Variants in TRIM17 observed in about 807,000 individuals in gnomAD.
The protein encoded by TRIM17 is E3 ubiquitin-protein ligase TRIM17.
In TRIM17, 27 loss-of-function variants were observed where a neutral mutation model predicts 35.8. The ratio of observed to expected loss-of-function variants is 0.75; its 90% CI spans 0.56 to 1.04. TRIM17 has a LOEUF of 1.04. Ranked by LOEUF, TRIM17 falls within the 50% of genes least tolerant of loss-of-function variation. TRIM17 has a pLI of 0.00. For missense variants in TRIM17, 582 were observed against 612.8 expected, an observed-to-expected ratio of 0.95 and a Z score of 0.53; for synonymous variants, 246 against 252.6, an observed-to-expected ratio of 0.97 and a Z score of 0.25.
intron 5 of TRIM17, 55 bp downstream of exon 5, chr1:228,409,334 T>TC (rs1424491512): frequency 2.7e-4 from 433 of 1,593,648 alleles, no homozygotes; most frequent in African/African-American, 2.4e-3. Context: ...AGTCTTATTG[T>TC]CCCCCCCGCC....
At chr1:228,416,224 C>T (rs1238839440) in intron 1 of TRIM17, among the ~76,000 whole-genome samples, 1 of 152,208 alleles carries the variant, frequency 6.6e-6, no homozygotes, top group African/African-American at 2.4e-5. Flanking sequence ...GCCAACCACC[C>T]GGCGCCAGCC....
intron 4 of TRIM17, among the ~76,000 whole-genome samples, chr1:228,409,987 C>T (rs986287365): frequency 1.3e-5 from 2 of 152,146 alleles, no homozygotes; most frequent in African/African-American, 4.8e-5. Context: ...GCAGGTGGCG[C>T]GCTTGGCCCT....
chr1:228,410,804 C>T lies in TRIM17; in HGVS notation c.756+142G>A, dbSNP rs1456799412. The T allele has an allele frequency of 1.5e-6, 1 of 647,492 alleles. No homozygotes were observed. Among genetic ancestry groups the T allele is most frequent in the Middle Eastern group, 4.3e-4 (1 of 2,350 alleles). 40.1% of individuals were successfully genotyped at this position (647,492 alleles called of 1,614,324 possible). A position where few individuals can be genotyped will look rare whatever the true frequency, so the allele number is the denominator to read the frequency against. ...GAACCAGGCCTGCCCGCACCTTGGCCTCAGCCACCCAGCCTCCAGGACTAG... is the reference window on the plus strand; with the variant it reads ...GAACCAGGCCTGCCCGCACCTTGGCTTCAGCCACCCAGCCTCCAGGACTAG... On this transcript the variant is annotated intron_variant, in intron 4 of 6. Coordinates refer to ENST00000366698, the MANE Select transcript of TRIM17 (RefSeq NM_016102.4). This position sits in a 1 kb window ranked among gnomAD's most constrained non-coding sequence, Gnocchi z 4.6.
intron 1 of TRIM17, 91 bp downstream of exon 1, chr1:228,416,448 C>T (rs1390481841): frequency 6.5e-5 from 64 of 986,570 alleles, no homozygotes; most frequent in Non-Finnish European, 7.3e-5. Flanking sequence ...GAAGGCCGGG[C>T]GTTGGAGGGC....
Position 228,408,790 on chromosome 1 carries a change from G to A in TRIM17, c.884-39C>T, listed in dbSNP as rs772188511. ...TGGTGGTGGAGAGATGGGGAGAGGT[G>A]TGGGGCATTCAGGGTCAAAGGTGGG... On this transcript the variant is annotated intron_variant, in intron 6 of 6. Coordinates refer to ENST00000366698, the MANE Select transcript of TRIM17 (RefSeq NM_016102.4). This position sits in a 1 kb window ranked among gnomAD's most constrained non-coding sequence, Gnocchi z 6.3. The A allele has an allele frequency of 1.9e-6, 3 of 1,575,648 alleles. No individual in the cohort carries two copies. The highest frequency in any genetic ancestry group is 1.7e-5 in the Admixed American group (1 of 58,366).
rs993047707 is a variant in TRIM17 at position 228,411,275 on chromosome 1, A to C, written c.526-99T>G. 1.1e-5 allele frequency: 10 copies of C among 938,524 alleles called. No individual in the cohort carries two copies. Among genetic ancestry groups the C allele is most frequent in the Non-Finnish European group, 1.6e-5 (10 of 620,044 alleles). 58.1% of individuals were successfully genotyped at this position (938,524 alleles called of 1,614,324 possible). ...GGCCCTGGTGACCCACAAGATCACC[A>C]GCAACTGGAGCTTTAGTTGGGGACC... On this transcript the variant is annotated intron_variant, in intron 3 of 6. Coordinates refer to ENST00000366698, the MANE Select transcript of TRIM17 (RefSeq NM_016102.4). The surrounding 1 kb of genome is among the most constrained non-coding windows in gnomAD (Gnocchi z 4.2).
chr1:228,409,291 A>G lies in TRIM17; in HGVS notation c.780-16T>C. The stretch of plus-strand genomic sequence containing the variant: ...GTTGTTCTTCCTCCGGTGGGCACAC[A>G]CAGGGGAGTCTTATTGACTCCCCTG... On this transcript the variant is annotated splice_polypyrimidine_tract_variant and intron_variant, in intron 5 of 6. Transcript: ENST00000366698. The G allele has an allele frequency of 1.2e-6, 2 of 1,612,858 alleles. No individual in the cohort carries two copies. The highest frequency in any genetic ancestry group is 1.1e-5 in the South Asian group (1 of 91,024).
intron 4 of TRIM17, chr1:228,409,631 G>T (rs1336183496): frequency 6.1e-6 from 3 of 491,466 alleles, no homozygotes; most frequent in African/African-American, 5.9e-5. Context: ...GAGCTACCCT[G>T]TCAGCCCACG....
rs60640636 is a variant in TRIM17 at position 228,414,863 on chromosome 1, C to A, written c.210G>T (p.Pro70=). The change falls in exon 2 of 7, where the codon CCG becomes CCT. Residue 70 remains proline (P), a synonymous_variant. Coordinates refer to ENST00000366698, the MANE Select transcript of TRIM17 (RefSeq NM_016102.4). The part of the protein sequence containing the change: ...FPCPECREMS[P]QRNLLPNRLL... ...GCCGGTTGGGCAGCAGGTTCCTCTGCGGGGACATCTCTCTGCACTCGGGGC... is the reference window on the plus strand; with the variant it reads ...GCCGGTTGGGCAGCAGGTTCCTCTGAGGGGACATCTCTCTGCACTCGGGGC... 3.1e-6 allele frequency: 5 copies of A among 1,613,460 alleles called. No individual in the cohort carries two copies. In the African/African-American group the frequency reaches 6.7e-5, roughly 22 times the overall value.
intron 2 of TRIM17, 45 bp from the exon 3 acceptor site, chr1:228,413,937 T>C (rs472594): frequency 0.27 from 403,555 of 1,513,748 alleles, 66,061 homozygotes; most frequent in African/African-American, 0.76. Context: ...GCGATCCCCC[T>C]ACCTCCTGCC....
At position 228,409,381 on chromosome 1, in the gene TRIM17, C is replaced by T. The variant is rs368820273; in HGVS notation, c.779+8G>A. ...CTGCCCCCGCCCCTGCCTGAGGGGA[C>T]CACATACCTGCTCAGGGGTTCCTTC... On this transcript the variant is annotated splice_region_variant and intron_variant, in intron 5 of 6. Coordinates refer to ENST00000366698, the MANE Select transcript of TRIM17 (RefSeq NM_016102.4). The T allele has an allele frequency of 4.3e-4, 670 of 1,575,842 alleles. 1 individual carries two copies. The highest frequency in any genetic ancestry group is 5.3e-4 in the Non-Finnish European group (620 of 1,162,890).
intron 4 of TRIM17, 117 bp from the exon 5 acceptor site, chr1:228,409,528 C>G: frequency 3.8e-6 from 4 of 1,046,780 alleles, no homozygotes; most frequent in Non-Finnish European, 5.4e-6. Flanking sequence ...CCTGGGCATT[C>G]CCTTCCCACA....
chr1:228,413,922 G>C, intron 2 of TRIM17, 30 bp from the exon 3 acceptor site: 1 of 1,588,510 alleles, frequency 6.3e-7, no homozygotes, highest in Non-Finnish European at 8.6e-7. Context: ...CAGGATTTGG[G>C]ATCAGCGATC....
In TRIM17 at chr1:228,416,780, G is replaced by C; in HGVS notation, c.-283C>G. On this transcript the variant is annotated 5_prime_UTR_variant, in exon 1 of 7. Transcript: ENST00000366698. ...ACTGGGGCGGCGCCTCTTAGGAGAGGTTGGGGGTGGCTTGGGGAAGGAAGG... is the reference window on the plus strand; with the variant it reads ...ACTGGGGCGGCGCCTCTTAGGAGAGCTTGGGGGTGGCTTGGGGAAGGAAGG... 4.1e-6 allele frequency: 4 copies of C among 984,136 alleles called. No homozygotes were observed. The highest frequency in any genetic ancestry group is 4.8e-6 in the Non-Finnish European group (4 of 829,408). 61.0% of individuals were successfully genotyped at this position (984,136 alleles called of 1,614,324 possible).
chr1:228,412,443 T>C lies in TRIM17; in HGVS notation c.526-1267A>G, dbSNP rs149420751. ...GGTTTAAGAGCTGTTCTCCCTCCTCTTCACTCAGTGGCCTTGCAAATAAAT... is the reference window on the plus strand; with the variant it reads ...GGTTTAAGAGCTGTTCTCCCTCCTCCTCACTCAGTGGCCTTGCAAATAAAT... On this transcript the variant is annotated intron_variant, in intron 3 of 6. Transcript: ENST00000366698. Among the ~76,000 whole-genome samples the C allele has an allele frequency of 4.7e-3, 716 of 152,150 alleles. 5 individuals are homozygous for C. Among genetic ancestry groups the C allele is most frequent in the African/African-American group, 0.016 (682 of 41,486 alleles).
chr1:228,413,762 A>T, intron 3 of TRIM17, 35 bp downstream of exon 3: 2 of 1,535,300 alleles, frequency 1.3e-6, no homozygotes, highest in Non-Finnish European at 1.8e-6. Context: ...ATGGAGCAGC[A>T]GCAGGAAAGG....
chr1:228,408,289 G>A lies in TRIM17; in HGVS notation c.1346C>T (p.Pro449Leu). The A allele has an allele frequency of 1.9e-6, 3 of 1,604,700 alleles. No individual in the cohort carries two copies. The highest frequency in any genetic ancestry group is 2.6e-6 in the Non-Finnish European group (3 of 1,173,944). The change falls in exon 7 of 7, where the codon CCA (proline) becomes CTA (leucine). Residue 449 changes from proline (P) to leucine (L), a missense_variant. Physicochemically the swap from Pro to Leu is moderately conservative, Grantham distance 98. Transcript: ENST00000366698. This position sits in a 1 kb window ranked among gnomAD's most constrained non-coding sequence, Gnocchi z 6.3. Reference protein sequence around the residue: ...HLHTYSQATFPGPLQPFFCLG... With the variant: ...HLHTYSQATFLGPLQPFFCLG... ...GCAGAAGAAAGGCTGCAGGGGGCCT[G>A]GGAAGGTGGCCTGGGAGTAGGTGTG...
At chr1:228,414,567 C>T (rs1656974073) in intron 2 of TRIM17, 77 bp downstream of exon 2, 2 of 1,306,562 alleles carry the variant, frequency 1.5e-6, no homozygotes, top group East Asian at 2.3e-5. Context: ...CCTCCTCCCT[C>T]CCCCATGATC....
rs759616117 is a variant in TRIM17 at position 228,408,604 on chromosome 1, G to A, written c.1031C>T (p.Thr344Met). The A allele has an allele frequency of 3.8e-5, 61 of 1,613,770 alleles. 1 individual carries two copies. The highest frequency in any genetic ancestry group is 1.4e-4 in the South Asian group (13 of 91,096). Residue 344 changes from threonine (T) to methionine (M), a missense_variant, in exon 7 of 7, where the codon ACG becomes ATG. Physicochemically the swap from Thr to Met is moderately conservative, Grantham distance 81. Coordinates refer to ENST00000366698, the MANE Select transcript of TRIM17 (RefSeq NM_016102.4). The surrounding 1 kb of genome is among the most constrained non-coding windows in gnomAD (Gnocchi z 6.3). ...GTAGTGCCTCCCAGAGGAGAAGGCC[G>A]TCTGGCCCACAGCACAGGGGTAAGC... The part of the protein sequence containing the change: ...FVAYPCAVGQ[T>M]AFSSGRHYWE...
Sources: allele counts gnomAD v4.1 joint callset (sites outside exome capture counted in the v4.1 genomes callset), GRCh38; gene constraint gnomAD v4.1.1; non-coding constraint Gnocchi (gnomAD v3.1); transcripts MANE v1.5; gene names NCBI Gene and HGNC (gene_info 2026-07-23, HGNC 2026-07-21).